ADARB2: variants seen among roughly 807,000 people sequenced by gnomAD.
The protein encoded by ADARB2 is adenosine deaminase RNA specific B2 (inactive).
In ADARB2, 25 loss-of-function variants were observed where a neutral mutation model predicts 62.2. The ratio of observed to expected loss-of-function variants is 0.40; its 90% CI spans 0.29 to 0.56. The LOEUF is 0.56. Among genes scored for constraint, ADARB2 ranks in the 20% least tolerant of loss-of-function variants. The pLI is 0.43. For synonymous variants in ADARB2, 572 were observed against 500.8 expected (o/e 1.14, Z -1.90); for missense variants, 1,071 against 1,077.4 (o/e 0.99, Z 0.08).
At chr10:1,199,860 C>G (rs1388116626) in intron 8 of ADARB2, 106 bp downstream of exon 8, 3 of 1,246,552 alleles carry the variant, frequency 2.4e-6, no homozygotes, top group African/African-American at 3.0e-5. Flanking sequence ...TAAATTGCCA[C>G]TAGCCAACAT....
At chr10:1,224,718 C>T (rs1830729102) in intron 6 of ADARB2, among the ~76,000 whole-genome samples, 1 of 152,208 alleles carries the variant, frequency 6.6e-6, no homozygotes, top group African/African-American at 2.4e-5. Flanking sequence ...TGTTCAGTTT[C>T]CACGTAGTTG....
At chr10:1,258,532 A>G (rs969312411) in intron 4 of ADARB2, among the ~76,000 whole-genome samples, 37 of 152,334 alleles carry the variant, frequency 2.4e-4, no homozygotes, top group African/African-American at 6.0e-4. Flanking sequence ...TTAAACCAAC[A>G]AAGATCAAAA....
At chr10:1,323,309 C>CA (rs1360586686) in intron 3 of ADARB2, among the ~76,000 whole-genome samples, 1 of 142,738 alleles carries the variant, frequency 7.0e-6, no homozygotes, top group Non-Finnish European at 1.5e-5. Flanking sequence ...AAAATGCTGA[C>CA]AAAAAAATCA....
At chr10:1,308,271 G>A (rs1399269791) in intron 3 of ADARB2, among the ~76,000 whole-genome samples, 1 of 152,016 alleles carries the variant, frequency 6.6e-6, no homozygotes, top group African/African-American at 2.4e-5. Flanking sequence ...CATACAACAT[G>A]TATGCTTTCT....
chr10:1,266,753 T>C (rs1299446864), intron 4 of ADARB2, among the ~76,000 whole-genome samples: 5 of 152,144 alleles, frequency 3.3e-5, no homozygotes, highest in African/African-American at 4.8e-5. Flanking sequence ...CCACTGCCCC[T>C]GGCCTGGAGG....
intron 1 of ADARB2, among the ~76,000 whole-genome samples, chr10:1,432,584 G>A (rs528465238): frequency 8.0e-5 from 12 of 150,320 alleles, no homozygotes; most frequent in Admixed American, 2.7e-4. Flanking sequence ...GTCCCAAGTC[G>A]AAAAGTTCCA....
intron 6 of ADARB2, among the ~76,000 whole-genome samples, chr10:1,233,204 C>T (rs1042207895): frequency 5.9e-5 from 9 of 152,160 alleles, no homozygotes; most frequent in South Asian, 2.1e-4. Context: ...TCACCTCCAT[C>T]GATAAATGCT....
intron 1 of ADARB2, among the ~76,000 whole-genome samples, chr10:1,593,406 G>T (rs1207910989): frequency 1.3e-5 from 2 of 151,734 alleles, no homozygotes; most frequent in Non-Finnish European, 2.9e-5. Flanking sequence ...CCCTAGCCAT[G>T]CTCCATAGGT....
chr10:1,644,025 G>A (rs1456981287), intron 1 of ADARB2, among the ~76,000 whole-genome samples: 1 of 152,176 alleles, frequency 6.6e-6, no homozygotes, highest in Non-Finnish European at 1.5e-5. Context: ...GCCCCACTCG[G>A]CCCAAGGTAA....
At chr10:1,553,990 G>A (rs1832665621) in intron 1 of ADARB2, among the ~76,000 whole-genome samples, 1 of 152,226 alleles carries the variant, frequency 6.6e-6, no homozygotes, top group South Asian at 2.1e-4. Flanking sequence ...GGTGGAGGCT[G>A]TGCAGGGTTG....
rs180873532 is a variant in ADARB2 at position 1,331,833 on chromosome 10, C to T, written c.1077+31195G>A. On this transcript the variant is annotated intron_variant, in intron 3 of 9. Transcript: ENST00000381312. ...CTCAGTGAATCATCTACATATCGCA[C>T]ACTTTGAAGACTTTAACACACTACA... 2.3e-3 allele frequency among the ~76,000 whole-genome samples: 351 copies of T among 152,272 alleles called. 1 individual carries two copies. The highest frequency in any genetic ancestry group is 2.6e-3 in the Non-Finnish European group (179 of 68,018).
intron 1 of ADARB2, among the ~76,000 whole-genome samples, chr10:1,540,001 C>T (rs926854350): frequency 1.3e-5 from 2 of 151,892 alleles, no homozygotes; most frequent in Non-Finnish European, 2.9e-5. Context: ...GAACAAAAAC[C>T]AATAATTGAA....
intron 1 of ADARB2, among the ~76,000 whole-genome samples, chr10:1,689,669 G>T (rs2119124774): frequency 6.6e-6 from 1 of 152,274 alleles, no homozygotes; most frequent in East Asian, 1.9e-4. Context: ...AACTTGATGG[G>T]TGTTCAGGCT....
chr10:1,529,949 C>CCCTGCCACTGTGGGCACCCATCCACTGCT (rs1564318834), intron 1 of ADARB2, among the ~76,000 whole-genome samples: 1 of 19,520 alleles, frequency 5.1e-5, no homozygotes, highest in African/African-American at 8.5e-5. Flanking sequence ...CATTCACTGC[C>CCCTGCCACTGTGGGCACCCATCCACTGCT]CCTGCCACTG....
intron 1 of ADARB2, among the ~76,000 whole-genome samples, chr10:1,650,835 G>T (rs1334942420): frequency 1.3e-5 from 2 of 152,170 alleles, no homozygotes; most frequent in Non-Finnish European, 2.9e-5. Flanking sequence ...AGGGTCGAGG[G>T]ACACTGGCAA....
intron 6 of ADARB2, among the ~76,000 whole-genome samples, chr10:1,230,525 A>G (rs146477211): frequency 4.3e-4 from 66 of 152,316 alleles, no homozygotes; most frequent in African/African-American, 1.5e-3. Context: ...TGAGTTAGCA[A>G]CGTGGAGACC....
At chr10:1,507,575 G>A (rs1050561427) in intron 1 of ADARB2, among the ~76,000 whole-genome samples, 8 of 152,122 alleles carry the variant, frequency 5.3e-5, no homozygotes, top group East Asian at 3.9e-4. Flanking sequence ...GTTTACCCTC[G>A]ACCAGGTGGC....
rs1834783054 is a variant in ADARB2, at chr10:1,698,852, C to T, written c.100+38199G>A. 3.3e-5 allele frequency among the ~76,000 whole-genome samples: 5 copies of T among 152,312 alleles called. No homozygotes were observed. In the South Asian group the frequency reaches 1.0e-3, roughly 32 times the overall value. ...TTGGGTCACTGCAACTTCTGCCTCCCAAGTTCAAGCAGTTCTCCCTGCCTC... is the reference window on the plus strand; with the variant it reads ...TTGGGTCACTGCAACTTCTGCCTCCTAAGTTCAAGCAGTTCTCCCTGCCTC... On this transcript the variant is annotated intron_variant, in intron 1 of 9. Transcript: ENST00000381312.
At chr10:1,711,920 C>T (rs1373054474) in intron 1 of ADARB2, among the ~76,000 whole-genome samples, 1 of 152,142 alleles carries the variant, frequency 6.6e-6, no homozygotes, top group Non-Finnish European at 1.5e-5. Flanking sequence ...CTATCAAGCC[C>T]CCCAAAGCAT....
Sources: gnomAD v4.1 joint callset for allele counts (sites outside exome capture counted in the v4.1 genomes callset) on GRCh38, gnomAD v4.1.1 for gene constraint, MANE v1.5 for transcripts, NCBI Gene and HGNC (gene_info 2026-07-23, HGNC 2026-07-21) for gene names.